RRAS2: variants seen among roughly 807,000 people sequenced by gnomAD.
The protein encoded by RRAS2 is ras-related protein R-Ras2.
A neutral mutation model predicts 27.6 loss-of-function variants in RRAS2; 7 were observed. That is an observed-to-expected ratio of 0.25 (90% confidence interval 0.14 to 0.48). RRAS2 has a LOEUF of 0.48. RRAS2 is among the 20% of genes least tolerant of loss of function. The probability of loss-of-function intolerance (pLI) is 0.99; values close to 1 mark genes in which losing one functional copy is unlikely to be tolerated. For missense variants in RRAS2, 178 were observed against 256.2 expected, an observed-to-expected ratio of 0.69 and a Z score of 2.08; for synonymous variants, 86 against 90.9, an observed-to-expected ratio of 0.95 and a Z score of 0.31.
chr11:14,362,205 G>A (rs1204602444), upstream of RRAS2, among the ~76,000 whole-genome samples: 2 of 152,032 alleles, frequency 1.3e-5, no homozygotes, highest in Non-Finnish European at 2.9e-5. Flanking sequence ...GCTTTATATG[G>A]GTGAATTTTA....
In RRAS2 at chr11:14,282,659, G is replaced by GAA. The variant is rs58190907; in HGVS notation, c.409-941_409-940dup. The stretch of plus-strand genomic sequence containing the variant: ...AAAATTAGAAAAGCCAAATTGGGGG[G>GAA]AAAAAAAAAATCAAAGAAAATTTAA... On this transcript the variant is annotated intron_variant, in intron 4 of 5. Transcript: ENST00000256196. 6.8e-3 allele frequency among the ~76,000 whole-genome samples: 1,016 copies of GAA among 149,678 alleles called. 6 individuals carry two copies. Among genetic ancestry groups the GAA allele is most frequent in the Middle Eastern group, 0.028 (8 of 286 alleles).
intron 1 of RRAS2, among the ~76,000 whole-genome samples, chr11:14,311,879 T>C (rs540050907): frequency 7.0e-4 from 107 of 151,964 alleles, no homozygotes; most frequent in Non-Finnish European, 1.1e-3. Flanking sequence ...TTTTTTTTTT[T>C]CTTGAGATAG....
chr11:14,361,592 G>T (rs1372608547), upstream of RRAS2, among the ~76,000 whole-genome samples: 1 of 152,190 alleles, frequency 6.6e-6, no homozygotes, highest in Non-Finnish European at 1.5e-5. Flanking sequence ...AAAAAGACAG[G>T]TAAGTGTTGA....
rs528910333 is a variant in RRAS2 at position 14,287,362 on chromosome 11, A to AAT, written c.409-5644_409-5643dup. ...CCAAATAGGTACATCCTTAAGTTAA[A>AAT]ATATATATATATACACAAAAAGTAA... On this transcript the variant is annotated intron_variant, in intron 4 of 5. Coordinates refer to ENST00000256196, the MANE Select transcript of RRAS2 (RefSeq NM_012250.6). Among the ~76,000 whole-genome samples the AAT allele has an allele frequency of 1.1e-3, 164 of 151,938 alleles. 1 individual carries two copies. Among genetic ancestry groups the AAT allele is most frequent in the African/African-American group, 2.4e-3 (98 of 41,454 alleles).
intron 1 of RRAS2, among the ~76,000 whole-genome samples, chr11:14,348,142 T>C (rs1004719364): frequency 1.3e-5 from 2 of 152,180 alleles, no homozygotes; most frequent in Non-Finnish European, 1.5e-5. Flanking sequence ...CTTAATTTCA[T>C]TCAATGCCTC....
chr11:14,280,201 T>C (rs576988410), intron 5 of RRAS2, among the ~76,000 whole-genome samples: 2 of 152,236 alleles, frequency 1.3e-5, no homozygotes, highest in Admixed American at 6.5e-5. Flanking sequence ...TGGTATCAAG[T>C]ATATGCATGA....
chr11:14,304,182 C>T (rs1262681267), intron 1 of RRAS2, among the ~76,000 whole-genome samples: 1 of 152,178 alleles, frequency 6.6e-6, no homozygotes, highest in Non-Finnish European at 1.5e-5. Flanking sequence ...TCCCCAAACT[C>T]GAGGGGATAC....
chr11:14,280,600 C>A (rs1849499753), intron 5 of RRAS2, among the ~76,000 whole-genome samples: 1 of 151,614 alleles, frequency 6.6e-6, no homozygotes, highest in Non-Finnish European at 1.5e-5. Flanking sequence ...GTGGCAGGCG[C>A]CTGTAAATCC....
chr11:14,281,692 GCTAA>G lies in RRAS2; in HGVS notation c.433_436del (p.Leu145HisfsTer6). On this transcript the variant is annotated frameshift_variant, in exon 5 of 6. Transcript: ENST00000256196. LOFTEE classifies it high-confidence loss of function. ...CATGTATGTTACCTTAAGCTGCCGTGCTAACTGTTGTCCTTCTTCCTGTGTTACC... is the reference window on the plus strand; with the variant it reads ...CATGTATGTTACCTTAAGCTGCCGTGCTGTTGTCCTTCTTCCTGTGTTACC... The G allele has an allele frequency of 6.3e-7, 1 of 1,597,596 alleles. No homozygotes were observed. The highest frequency in any genetic ancestry group is 8.5e-7 in the Non-Finnish European group (1 of 1,174,680).
chr11:14,329,763 T>C (rs1325639256), intron 1 of RRAS2, among the ~76,000 whole-genome samples: 2 of 152,168 alleles, frequency 1.3e-5, no homozygotes, highest in South Asian at 2.1e-4. Context: ...AAAGGACACA[T>C]TTTAAATTAG....
chr11:14,344,124 C>A (rs1466800765), intron 1 of RRAS2, among the ~76,000 whole-genome samples: 1 of 152,070 alleles, frequency 6.6e-6, no homozygotes, highest in African/African-American at 2.4e-5. Flanking sequence ...GCCTGGGAGA[C>A]CCTGTCTCAA....
At chr11:14,343,444 C>T (rs2134025822) in intron 1 of RRAS2, among the ~76,000 whole-genome samples, 1 of 152,300 alleles carries the variant, frequency 6.6e-6, no homozygotes, top group South Asian at 2.1e-4. Context: ...AATTAACTTT[C>T]AAATGAATCA....
chr11:14,322,573 C>T (rs1023332694), intron 1 of RRAS2, among the ~76,000 whole-genome samples: 22 of 152,174 alleles, frequency 1.4e-4, no homozygotes, highest in Admixed American at 6.5e-4. Context: ...CCACAAATAA[C>T]ATTTTTTCCA....
At chr11:14,348,880 T>A (rs1181385755) in intron 1 of RRAS2, among the ~76,000 whole-genome samples, 1 of 152,236 alleles carries the variant, frequency 6.6e-6, no homozygotes, top group Non-Finnish European at 1.5e-5. Context: ...TTCCTGGCCA[T>A]CTTAGCAGAC....
intron 1 of RRAS2, among the ~76,000 whole-genome samples, chr11:14,307,201 CA>C (rs797030285): frequency 8.6e-6 from 1 of 116,340 alleles, no homozygotes; most frequent in Non-Finnish European, 1.8e-5. Flanking sequence ...TCCCCCAAAC[CA>C]AAAAAAACAA....
intron 4 of RRAS2, among the ~76,000 whole-genome samples, chr11:14,282,595 C>A (rs782378449): frequency 4.0e-5 from 6 of 151,670 alleles, no homozygotes; most frequent in Non-Finnish European, 7.4e-5. Context: ...GAAAACAATA[C>A]CTTTTATGGC....
upstream of RRAS2, among the ~76,000 whole-genome samples, chr11:14,362,367 C>T (rs1206111834): frequency 2.6e-5 from 4 of 151,786 alleles, no homozygotes; most frequent in Non-Finnish European, 5.9e-5. Context: ...TTGACTCAAA[C>T]GTAGTATTCA....
At chr11:14,291,545 T>C (rs1032719772) in intron 4 of RRAS2, among the ~76,000 whole-genome samples, 4 of 152,168 alleles carry the variant, frequency 2.6e-5, no homozygotes, top group Non-Finnish European at 4.4e-5. Flanking sequence ...TGTCTATTTA[T>C]ATGGTTTAGA....
intron 1 of RRAS2, among the ~76,000 whole-genome samples, chr11:14,328,126 T>C (rs1270989314): frequency 6.6e-6 from 1 of 152,062 alleles, no homozygotes; most frequent in Admixed American, 6.6e-5. Context: ...CTCGCACTTT[T>C]GGAGGCCGAG....
Sources: gnomAD v4.1 joint callset for allele counts (sites outside exome capture counted in the v4.1 genomes callset) on GRCh38, gnomAD v4.1.1 for gene constraint, MANE v1.5 for transcripts, NCBI Gene and HGNC (gene_info 2026-07-23, HGNC 2026-07-21) for gene names.